Variants in CPEB4 observed in about 807,000 individuals in gnomAD.
The protein encoded by CPEB4 is cytoplasmic polyadenylation element-binding protein 4.
Under a neutral mutation model 72.5 loss-of-function variants are expected in CPEB4, and 12 were observed. The ratio of observed to expected loss-of-function variants is 0.17; its 90% CI spans 0.11 to 0.27. CPEB4 has a LOEUF of 0.27. CPEB4 is among the 10% of genes least tolerant of loss of function. CPEB4 has a pLI of 1.00. For missense variants in CPEB4, 614 were observed against 908.5 expected (o/e 0.68, Z 4.17); for synonymous variants, 302 against 326.3 (o/e 0.93, Z 0.80).
intron 3 of CPEB4, among the ~76,000 whole-genome samples, chr5:173,934,764 T>C (rs906038924): frequency 1.3e-5 from 2 of 152,176 alleles, no homozygotes; most frequent in Non-Finnish European, 2.9e-5. Context: ...GAGCAGAAGA[T>C]TGCTTGAAAG....
At chr5:173,926,867 G>A (rs1757258699) in intron 2 of CPEB4, among the ~76,000 whole-genome samples, 1 of 152,180 alleles carries the variant, frequency 6.6e-6, no homozygotes, top group East Asian at 1.9e-4. Flanking sequence ...ATGAGTTCTT[G>A]GCTGGGCACC....
At chr5:173,923,311 AACTC>A (rs1441532419) in intron 2 of CPEB4, among the ~76,000 whole-genome samples, 2 of 152,196 alleles carry the variant, frequency 1.3e-5, no homozygotes, top group Non-Finnish European at 2.9e-5. Context: ...ATAAATAAGA[AACTC>A]AGTCTTAATT....
At position 173,950,513 on chromosome 5, in the gene CPEB4, G is replaced by C. The variant is rs1321154095; in HGVS notation, c.1665+435G>C. 1.3e-5 allele frequency among the ~76,000 whole-genome samples: 2 copies of C among 152,106 alleles called. No individual in the cohort carries two copies. The highest frequency in any genetic ancestry group is 1.5e-5 in the Non-Finnish European group (1 of 68,018). On this transcript the variant is annotated intron_variant, in intron 7 of 9. Coordinates refer to ENST00000265085, the MANE Select transcript of CPEB4 (RefSeq NM_030627.4). The surrounding 1 kb of genome is among the most constrained non-coding windows in gnomAD (Gnocchi z 5.0). ...CCAGCTACTTGGGAGACTGAGGCAGGACAATCACCTGAACCCAGGAGGCGG... is the reference window on the plus strand; with the variant it reads ...CCAGCTACTTGGGAGACTGAGGCAGCACAATCACCTGAACCCAGGAGGCGG...
chr5:173,936,507 G>T (rs1757626489), intron 3 of CPEB4, among the ~76,000 whole-genome samples: 1 of 152,078 alleles, frequency 6.6e-6, no homozygotes, highest in Non-Finnish European at 1.5e-5. Flanking sequence ...CAGGAGGGTG[G>T]GGGTAGGGGG....
intron 2 of CPEB4, among the ~76,000 whole-genome samples, chr5:173,916,054 T>C (rs1159487907): frequency 6.6e-6 from 1 of 152,236 alleles, no homozygotes; most frequent in Non-Finnish European, 1.5e-5. Flanking sequence ...TTAAATTCAA[T>C]ATATGAAAAC....
At chr5:173,929,969 TA>T (rs1037640804) in intron 2 of CPEB4, among the ~76,000 whole-genome samples, 13 of 152,300 alleles carry the variant, frequency 8.5e-5, no homozygotes, top group African/African-American at 3.1e-4. Flanking sequence ...TTTAGAAGTA[TA>T]AAATCTCTAT....
At chr5:173,943,116 C>G in intron 4 of CPEB4, 67 bp downstream of exon 4, 1 of 1,512,218 alleles carries the variant, frequency 6.6e-7, no homozygotes, top group Non-Finnish European at 9.1e-7. Context: ...TGTTTAATTT[C>G]TAACCTTTGT....
At chr5:173,933,054 C>T (rs573636515) in intron 3 of CPEB4, among the ~76,000 whole-genome samples, 1 of 152,280 alleles carries the variant, frequency 6.6e-6, no homozygotes, top group African/African-American at 2.4e-5. Flanking sequence ...GTGAAGCAAG[C>T]TAAGTTTCAC....
At chr5:173,912,603 C>A (rs1288664308) in intron 2 of CPEB4, among the ~76,000 whole-genome samples, 1 of 150,984 alleles carries the variant, frequency 6.6e-6, no homozygotes, top group East Asian at 1.9e-4. Context: ...AAAACACAGA[C>A]CCTGTCTTTA....
In CPEB4 at chr5:173,888,943, G is replaced by C. The variant is rs1191501275; in HGVS notation, c.-791G>C. The C allele has an allele frequency of 6.1e-6, 1 of 162,798 alleles. No individual in the cohort carries two copies. The highest frequency in any genetic ancestry group is 2.4e-5 in the African/African-American group (1 of 41,904). 10.1% of individuals were successfully genotyped at this position (162,798 alleles called of 1,614,324 possible). ...TGTTTCCAACCCCTTTCATGGGGGA[G>C]AGGAAGCCGCGGGGAGCCCAGGAAC... On this transcript the variant is annotated 5_prime_UTR_variant, in exon 1 of 10. Coordinates refer to ENST00000265085, the MANE Select transcript of CPEB4 (RefSeq NM_030627.4). The surrounding 1 kb of genome is among the most constrained non-coding windows in gnomAD (Gnocchi z 4.3).
chr5:173,899,687 A>T (rs1349456215), intron 1 of CPEB4, among the ~76,000 whole-genome samples: 1 of 152,208 alleles, frequency 6.6e-6, no homozygotes, highest in East Asian at 1.9e-4. Flanking sequence ...GATGAGTGAG[A>T]GAACAGGACA....
intron 1 of CPEB4, among the ~76,000 whole-genome samples, chr5:173,910,134 A>C (rs1756593956): frequency 6.6e-6 from 1 of 152,132 alleles, no homozygotes; most frequent in Non-Finnish European, 1.5e-5. Context: ...TACAGGTACC[A>C]GTCTAGCAGA....
chr5:173,903,276 C>T (rs2113152250), intron 1 of CPEB4, among the ~76,000 whole-genome samples: 1 of 152,290 alleles, frequency 6.6e-6, no homozygotes, highest in Middle Eastern at 3.4e-3. Flanking sequence ...ACTTGAAAGA[C>T]AGAGCTGTTT....
chr5:173,937,946 T>C (rs1334888635), intron 3 of CPEB4, among the ~76,000 whole-genome samples: 1 of 152,222 alleles, frequency 6.6e-6, no homozygotes, highest in African/African-American at 2.4e-5. Flanking sequence ...CAAATGTAAA[T>C]TAATTTTGTG....
At chr5:173,925,668 C>T (rs1402572140) in intron 2 of CPEB4, among the ~76,000 whole-genome samples, 1 of 152,172 alleles carries the variant, frequency 6.6e-6, no homozygotes, top group African/African-American at 2.4e-5. Flanking sequence ...GTCCCCACAG[C>T]GCCATCTTGC....
intron 1 of CPEB4, among the ~76,000 whole-genome samples, chr5:173,902,780 G>GT (rs1459172938): frequency 6.6e-6 from 1 of 152,170 alleles, no homozygotes; most frequent in Admixed American, 6.5e-5. Context: ...ATTCATAGAT[G>GT]TTTAACAAAC....
At chr5:173,911,896 A>C (rs931506852) in intron 2 of CPEB4, among the ~76,000 whole-genome samples, 1 of 152,140 alleles carries the variant, frequency 6.6e-6, no homozygotes, top group Non-Finnish European at 1.5e-5. Context: ...TGCTTAGCCT[A>C]GTTTCCCTTT....
chr5:173,920,996 A>G (rs1251497530), intron 2 of CPEB4, among the ~76,000 whole-genome samples: 1 of 152,222 alleles, frequency 6.6e-6, no homozygotes, highest in Admixed American at 6.5e-5. Flanking sequence ...TTTGTGAACC[A>G]TGGGCCTCTT....
intron 2 of CPEB4, among the ~76,000 whole-genome samples, chr5:173,930,489 A>T (rs1472517127): frequency 3.3e-5 from 5 of 152,204 alleles, no homozygotes; most frequent in African/African-American, 1.2e-4. Context: ...AGAATTCAGT[A>T]GATTTGGGTG....
Sources: gnomAD v4.1 joint callset for allele counts (sites outside exome capture counted in the v4.1 genomes callset) on GRCh38, gnomAD v4.1.1 for gene constraint, Gnocchi (gnomAD v3.1) non-coding constraint, MANE v1.5 for transcripts, NCBI Gene and HGNC (gene_info 2026-07-23, HGNC 2026-07-21) for gene names.